Variants in SHANK2 observed in about 807,000 individuals in gnomAD.
SHANK2 encodes SH3 and multiple ankyrin repeat domains 2.
SHANK2 carries 43 observed loss-of-function variants against 133.7 expected under a neutral mutation model. That is an observed-to-expected ratio of 0.32 (90% CI 0.25 to 0.41). SHANK2 has a LOEUF of 0.41. Among genes scored for constraint, SHANK2 ranks in the 10% least tolerant of loss-of-function variants. The pLI, the probability that SHANK2 is intolerant of heterozygous loss-of-function variation, is 1.00. For missense variants in SHANK2, 1,994 were observed against 2,235.8 expected (o/e 0.89, Z 2.18); for synonymous variants, 1,017 against 952.8 (o/e 1.07, Z -1.24).
chr11:70,729,992 A>G (rs1036446235), intron 14 of SHANK2, among the ~76,000 whole-genome samples: 10 of 151,532 alleles, frequency 6.6e-5, no homozygotes, highest in African/African-American at 2.4e-4. Context: ...ATGTGGGGCA[A>G]GCAAAACCGC....
At chr11:70,825,416 G>A (rs782202452) in intron 11 of SHANK2, among the ~76,000 whole-genome samples, 1 of 152,182 alleles carries the variant, frequency 6.6e-6, no homozygotes, top group Non-Finnish European at 1.5e-5. Context: ...GAAGAGTATG[G>A]ACTTAGAGGG....
intron 13 of SHANK2, among the ~76,000 whole-genome samples, chr11:70,802,742 CTAA>C (rs1555050809): frequency 6.6e-6 from 1 of 152,166 alleles, no homozygotes; most frequent in African/African-American, 2.4e-5. Flanking sequence ...GTCCACCTAC[CTAA>C]TGTCACAGAG....
At chr11:71,073,127 G>GTTTTTTTTTT (rs1277169505) in intron 9 of SHANK2, among the ~76,000 whole-genome samples, 2 of 93,782 alleles carry the variant, frequency 2.1e-5, no homozygotes, top group African/African-American at 3.5e-5. Context: ...CTTGCTTTTT[G>GTTTTTTTTTT]TTTTTTTTCT....
chr11:70,638,600 A>G (rs1263373613), intron 17 of SHANK2, among the ~76,000 whole-genome samples: 9 of 152,156 alleles, frequency 5.9e-5, no homozygotes, highest in African/African-American at 2.2e-4. Context: ...AGGAAGCCCT[A>G]TTTTCTTTAG....
chr11:70,863,410 C>G (rs528055854), intron 11 of SHANK2: 1 of 457,946 alleles, frequency 2.2e-6, no homozygotes, highest in South Asian at 1.5e-5. Flanking sequence ...GAGCCCCAAG[C>G]ATCCTCTGCT....
chr11:70,828,007 G>A (rs183261129), intron 11 of SHANK2, among the ~76,000 whole-genome samples: 9 of 152,278 alleles, frequency 5.9e-5, no homozygotes, highest in East Asian at 5.8e-4. Flanking sequence ...GGCCGGGTGC[G>A]GTGGCTCACG....
At chr11:70,572,713 C>A (rs1554983349) in intron 17 of SHANK2, among the ~76,000 whole-genome samples, 1 of 152,144 alleles carries the variant, frequency 6.6e-6, no homozygotes, top group African/African-American at 2.4e-5. Flanking sequence ...AATGAGACGC[C>A]ACCTCACACT....
chr11:71,202,593 G>A (rs1555117313), intron 2 of SHANK2, among the ~76,000 whole-genome samples: 2 of 152,174 alleles, frequency 1.3e-5, no homozygotes, highest in African/African-American at 2.4e-5. Context: ...GGTGTCAAAA[G>A]GGGTCGATGT....
intron 10 of SHANK2, among the ~76,000 whole-genome samples, chr11:70,955,422 G>GGTGT (rs1186144718): frequency 0.2 from 29,183 of 146,350 alleles, 3,253 homozygotes; most frequent in African/African-American, 0.31. Context: ...AGACCCACGG[G>GGTGT]GTGTGTGTGT....
intron 2 of SHANK2, among the ~76,000 whole-genome samples, chr11:71,152,698 C>T (rs1370347043): frequency 6.6e-6 from 1 of 152,144 alleles, no homozygotes; most frequent in African/African-American, 2.4e-5. Context: ...ACCGGGATTT[C>T]GTGCAGAAGC....
intron 17 of SHANK2, among the ~76,000 whole-genome samples, chr11:70,509,370 C>G (rs2059171917): frequency 6.6e-6 from 1 of 152,254 alleles, no homozygotes; most frequent in Non-Finnish European, 1.5e-5. Context: ...CGACCTCCCC[C>G]AGGGGCCCAG....
At chr11:71,168,365 C>T (rs1372563740) in intron 2 of SHANK2, among the ~76,000 whole-genome samples, 5 of 147,350 alleles carry the variant, frequency 3.4e-5, no homozygotes, top group Non-Finnish European at 6.0e-5. Flanking sequence ...AGAGGGGCTC[C>T]TCACATCCCA....
intron 2 of SHANK2, among the ~76,000 whole-genome samples, chr11:71,195,744 T>G (rs1487933027): frequency 6.6e-6 from 1 of 152,206 alleles, no homozygotes; most frequent in Non-Finnish European, 1.5e-5. Flanking sequence ...AGTTTTTGAA[T>G]GTATCACTCT....
intron 17 of SHANK2, among the ~76,000 whole-genome samples, chr11:70,568,746 G>A (rs1228307228): frequency 2.0e-5 from 3 of 151,258 alleles, no homozygotes; most frequent in African/African-American, 7.3e-5. Context: ...CCGTCTGGAA[G>A]AAGCCAGGTT....
At chr11:70,561,041 T>C (rs2059903612) in intron 17 of SHANK2, among the ~76,000 whole-genome samples, 1 of 152,238 alleles carries the variant, frequency 6.6e-6, no homozygotes, top group Admixed American at 6.5e-5. Context: ...AACGGGTTTT[T>C]GATAAAGGGC....
At chr11:71,156,095 G>C (rs1262063526) in intron 2 of SHANK2, among the ~76,000 whole-genome samples, 1 of 152,112 alleles carries the variant, frequency 6.6e-6, no homozygotes, top group Non-Finnish European at 1.5e-5. Context: ...GCCAGGGAGC[G>C]AGACCTCAGG....
Position 71,147,357 on chromosome 11 carries a change from G to C in SHANK2, c.-12-19C>G, listed in dbSNP as rs1236016546. The stretch of plus-strand genomic sequence containing the variant: ...CCTGTGTCTTCGAGGTGGGGAGAAG[G>C]AAGACAAAGAACGGGAGATGTGAAA... On this transcript the variant is annotated intron_variant, in intron 2 of 25. Coordinates refer to ENST00000601538, the MANE Select transcript of SHANK2 (RefSeq NM_012309.5). 1 of 1,533,978 alleles carries C rather than the reference G, an allele frequency of 6.5e-7. No individual in the cohort carries two copies. The highest frequency in any genetic ancestry group is 8.8e-7 in the Non-Finnish European group (1 of 1,135,556).
chr11:70,761,462 C>T (rs1555040200), intron 14 of SHANK2, among the ~76,000 whole-genome samples: 1 of 152,190 alleles, frequency 6.6e-6, no homozygotes, highest in Non-Finnish European at 1.5e-5. Flanking sequence ...ATCAGCCTTC[C>T]CCAGACCCAC....
At chr11:71,172,374 C>T (rs1223180769) in intron 2 of SHANK2, among the ~76,000 whole-genome samples, 6 of 151,886 alleles carry the variant, frequency 4.0e-5, no homozygotes, top group South Asian at 2.1e-4. Context: ...CACTTGCGAG[C>T]GAATCACAAG....
Sources: allele counts gnomAD v4.1 joint callset (sites outside exome capture counted in the v4.1 genomes callset), GRCh38; gene constraint gnomAD v4.1.1; transcripts MANE v1.5; gene names NCBI Gene and HGNC (gene_info 2026-07-23, HGNC 2026-07-21).